Variants in ZNF277 observed in about 807,000 individuals in gnomAD.
ZNF277 encodes the protein zinc finger protein 277, also known as nuclear receptor-interacting factor 4.
ZNF277 carries 55 observed loss-of-function variants against 60.7 expected under a neutral mutation model. That is an observed-to-expected ratio of 0.91 (90% confidence interval 0.73 to 1.13). The LOEUF (loss-of-function observed/expected upper bound fraction) is 1.13. Among genes scored for constraint, ZNF277 ranks in the 50% most tolerant of loss-of-function variants. The probability of loss-of-function intolerance (pLI) is 0.00; values close to 1 mark genes in which losing one functional copy is unlikely to be tolerated. For missense variants in ZNF277, 510 were observed against 523.0 expected (o/e 0.98, Z 0.24); for synonymous variants, 178 against 179.3 (o/e 0.99, Z 0.06).
In ZNF277 at chr7:112,229,993, A is replaced by G. The variant is rs139287739; in HGVS notation, c.91+23186A>G. Among the ~76,000 whole-genome samples the G allele has an allele frequency of 1.7e-4, 26 of 151,976 alleles. No individual in the cohort carries two copies. In the East Asian group the frequency reaches 4.8e-3, roughly 28 times the overall value. The stretch of plus-strand genomic sequence containing the variant: ...ACCTAAAATAGAGCAATGGAGTAGG[A>G]GACAAGGCTAGAGAAGGGAGCAAGG... On this transcript the variant is annotated intron_variant, in intron 1 of 11. Coordinates refer to ENST00000361822, the MANE Select transcript of ZNF277 (RefSeq NM_021994.3).
chr7:112,231,355 T>C (rs1822324050), intron 1 of ZNF277, among the ~76,000 whole-genome samples: 1 of 152,250 alleles, frequency 6.6e-6, no homozygotes, highest in Non-Finnish European at 1.5e-5. Flanking sequence ...GGTTTGTCAC[T>C]ATAATTTTTC....
intron 1 of ZNF277, among the ~76,000 whole-genome samples, chr7:112,250,000 C>A (rs922305948): frequency 7.9e-5 from 12 of 152,128 alleles, no homozygotes; most frequent in African/African-American, 2.7e-4. Flanking sequence ...AGAGAGATAA[C>A]CTTAAACTCT....
intron 4 of ZNF277, among the ~76,000 whole-genome samples, chr7:112,300,440 A>G (rs982992775): frequency 5.3e-5 from 8 of 152,248 alleles, no homozygotes; most frequent in African/African-American, 1.9e-4. Context: ...TCATCAGTCT[A>G]GCTTAGTCTT....
chr7:112,285,433 AAT>A (rs1027297898), intron 1 of ZNF277, among the ~76,000 whole-genome samples: 1 of 132,298 alleles, frequency 7.6e-6, no homozygotes, highest in Non-Finnish European at 1.5e-5. Flanking sequence ...AAAAATAGGA[AAT>A]TTTTTTTTTT....
intron 1 of ZNF277, among the ~76,000 whole-genome samples, chr7:112,270,539 T>G (rs1380580183): frequency 6.6e-6 from 1 of 152,152 alleles, no homozygotes; most frequent in Non-Finnish European, 1.5e-5. Flanking sequence ...CAATACAACT[T>G]ATATTGTATT....
intron 1 of ZNF277, among the ~76,000 whole-genome samples, chr7:112,235,059 T>C (rs1378754650): frequency 6.6e-6 from 1 of 152,056 alleles, no homozygotes; most frequent in Non-Finnish European, 1.5e-5. Flanking sequence ...ATTTTATTCT[T>C]TTTGCAAAAC....
intron 1 of ZNF277, among the ~76,000 whole-genome samples, chr7:112,266,064 T>C (rs75930753): frequency 6.6e-6 from 1 of 152,128 alleles, no homozygotes; most frequent in Non-Finnish European, 1.5e-5. Flanking sequence ...TAAGGACAAA[T>C]AGAAGCTGTG....
In ZNF277 at chr7:112,340,924, T is replaced by C; in HGVS notation, c.1062T>C (p.Val354=). 6.2e-7 allele frequency: 1 copy of C among 1,612,144 alleles called. No individual in the cohort carries two copies. Among genetic ancestry groups the C allele is most frequent in the South Asian group, 1.1e-5 (1 of 90,222 alleles). ...TGGTCAATTTTATTCGGAGGCAAGT[T>C]CACCAATGCAGATGTTATGGCTGCC... ...VKLVNFIRRQ[V]HQCRCYGCHV... The change falls in exon 11 of 12, where the codon GTT becomes GTC. Residue 354 remains valine (V), a synonymous_variant. Coordinates refer to ENST00000361822, the MANE Select transcript of ZNF277 (RefSeq NM_021994.3).
rs768426067 is a variant in ZNF277, at chr7:112,340,976, T to C, written c.1114T>C (p.Leu372=). 2 of 1,611,478 alleles carry C rather than the reference T, an allele frequency of 1.2e-6. No homozygotes were observed. The highest frequency in any genetic ancestry group is 1.3e-5 in the African/African-American group (1 of 74,834). Residue 372 remains leucine (L), a synonymous_variant, in exon 11 of 12, where the codon TTA becomes CTA. Transcript: ENST00000361822. ...TGTGAAGTTCAAATCCAAAGCAGAC[T>C]TAAGAACTCACATGGAAGAAACTAA... is the stretch of plus-strand genomic sequence containing the variant. ...CHVKFKSKAD[L]RTHMEETKHT...
intron 1 of ZNF277, among the ~76,000 whole-genome samples, chr7:112,225,845 A>G (rs1211996074): frequency 6.6e-6 from 1 of 152,214 alleles, no homozygotes; most frequent in African/African-American, 2.4e-5. Context: ...ACAGTATTCC[A>G]GGACTCCATA....
chr7:112,286,946 T>G lies in ZNF277; in HGVS notation c.165T>G (p.Ser55=). ...SPGGTTTLEG[S]PSVPCIFCEE... is the part of the protein sequence containing the mutation. The stretch of plus-strand genomic sequence containing the variant: ...GTGGCACCACCACTTTAGAAGGTTC[T>G]CCATCTGTGCCTTGTATTTTCTGTG... Residue 55 remains serine (S), a synonymous_variant, in exon 2 of 12, where the codon TCT becomes TCG. Coordinates refer to ENST00000361822, the MANE Select transcript of ZNF277 (RefSeq NM_021994.3). The G allele has an allele frequency of 6.2e-7, 1 of 1,609,146 alleles. No individual in the cohort carries two copies. The highest frequency in any genetic ancestry group is 8.5e-7 in the Non-Finnish European group (1 of 1,178,338).
At chr7:112,312,553 T>C (rs956847012) in intron 4 of ZNF277, among the ~76,000 whole-genome samples, 3 of 152,094 alleles carry the variant, frequency 2.0e-5, no homozygotes, top group African/African-American at 2.4e-5. Flanking sequence ...CTGCAACTTA[T>C]TTTCAAATAG....
At chr7:112,326,990 A>G (rs1793110437) in intron 5 of ZNF277, among the ~76,000 whole-genome samples, 1 of 152,184 alleles carries the variant, frequency 6.6e-6, no homozygotes, top group Non-Finnish European at 1.5e-5. Context: ...ATTGTTTTGC[A>G]GGTTATCACA....
intron 1 of ZNF277, among the ~76,000 whole-genome samples, chr7:112,265,651 T>A (rs1791534425): frequency 6.6e-6 from 1 of 152,122 alleles, no homozygotes; most frequent in Admixed American, 6.6e-5. Flanking sequence ...AAAAGCACAA[T>A]AAAGTGAAGT....
At chr7:112,243,703 A>C (rs1357106361) in intron 1 of ZNF277, among the ~76,000 whole-genome samples, 1 of 151,900 alleles carries the variant, frequency 6.6e-6, no homozygotes, top group Non-Finnish European at 1.5e-5. Flanking sequence ...TGCAGAGAAA[A>C]TGGGAATGTA....
intron 3 of ZNF277, 50 bp downstream of exon 3, chr7:112,296,007 A>G (rs942345273): frequency 5.2e-6 from 7 of 1,359,214 alleles, no homozygotes; most frequent in Non-Finnish European, 7.4e-6. Flanking sequence ...TAAAAATTCA[A>G]AGGAATAATC....
intron 4 of ZNF277, among the ~76,000 whole-genome samples, chr7:112,304,752 A>T (rs182268592): frequency 6.6e-6 from 1 of 152,306 alleles, no homozygotes; most frequent in Non-Finnish European, 1.5e-5. Flanking sequence ...AGACAGAACA[A>T]GAGGAGTTGG....
intron 1 of ZNF277, among the ~76,000 whole-genome samples, chr7:112,221,351 T>C (rs538018938): frequency 1.3e-5 from 2 of 152,036 alleles, no homozygotes; most frequent in Non-Finnish European, 2.9e-5. Flanking sequence ...ACAAGAGGCT[T>C]GCCGCCATCT....
At chr7:112,330,292 T>C (rs1264766746) in intron 7 of ZNF277, 76 bp downstream of exon 7, 3 of 1,453,556 alleles carry the variant, frequency 2.1e-6, no homozygotes, top group Non-Finnish European at 2.9e-6. Context: ...CAACTAATAT[T>C]TGAATAAGCA....
Sources: gnomAD v4.1 joint callset for allele counts (sites outside exome capture counted in the v4.1 genomes callset) on GRCh38, gnomAD v4.1.1 for gene constraint, MANE v1.5 for transcripts, NCBI Gene and HGNC (gene_info 2026-07-23, HGNC 2026-07-21) for gene names.